Variants in PCDHGA3 observed in about 807,000 individuals in gnomAD.
The protein encoded by PCDHGA3 is protocadherin gamma-A3.
In PCDHGA3, 40 loss-of-function variants were observed where a neutral mutation model predicts 58.5. The ratio of observed to expected loss-of-function variants is 0.68; its 90% CI spans 0.53 to 0.89. PCDHGA3 has a LOEUF of 0.89. Ranked by LOEUF, PCDHGA3 falls within the 40% of genes least tolerant of loss-of-function variation. PCDHGA3 has a pLI of 0.00. For synonymous variants in PCDHGA3, 530 were observed against 525.7 expected, an observed-to-expected ratio of 1.01 and a Z score of -0.11; for missense variants, 1,223 against 1,195.9, an observed-to-expected ratio of 1.02 and a Z score of -0.33.
rs2099706000 is a variant in PCDHGA3 at position 141,490,911 on chromosome 5, G to A, written c.2425-3896G>A. 1 of 1,613,722 alleles carries A rather than the reference G, an allele frequency of 6.2e-7. No individual in the cohort carries two copies. Among genetic ancestry groups the A allele is most frequent in the Non-Finnish European group, 8.5e-7 (1 of 1,179,746 alleles). Reference sequence around the variant, plus strand: ...CTCTGCATGTGTTTGTCCTAGACGAGAATGATAATGCCCCAGCTGTGCTGC... The same window carrying A: ...CTCTGCATGTGTTTGTCCTAGACGAAAATGATAATGCCCCAGCTGTGCTGC... On this transcript the variant is annotated intron_variant, in intron 1 of 3. Coordinates refer to ENST00000253812, the MANE Select transcript of PCDHGA3 (RefSeq NM_018916.4). This position sits in a 1 kb window ranked among gnomAD's most constrained non-coding sequence, Gnocchi z 5.4.
intron 2 of PCDHGA3, among the ~76,000 whole-genome samples, chr5:141,502,845 T>G (rs2099816267): frequency 6.8e-6 from 1 of 147,606 alleles, no homozygotes; most frequent in South Asian, 2.1e-4. Context: ...CTGGCTGAGC[T>G]GCCTAACCCT....
intron 1 of PCDHGA3, chr5:141,372,298 GGGA>G: frequency 6.2e-7 from 1 of 1,613,330 alleles, no homozygotes; most frequent in Non-Finnish European, 8.5e-7. Flanking sequence ...TTGGGCGACA[GGGA>G]GGCCGCCCGC....
At chr5:141,374,150 C>T in intron 1 of PCDHGA3, 1 of 1,611,806 alleles carries the variant, frequency 6.2e-7, no homozygotes, top group Non-Finnish European at 8.5e-7. Context: ...CCTGGGGACG[C>T]TGTGGGGGGC....
chr5:141,477,857 C>T lies in PCDHGA3; in HGVS notation c.2425-16950C>T. ...AGGTGGGAGCTCGGTGGAGATGCTG[C>T]CTCGAGGTACCTCAGCTGGCCACCT... On this transcript the variant is annotated intron_variant, in intron 1 of 3. Transcript: ENST00000253812. The surrounding 1 kb of genome is among the most constrained non-coding windows in gnomAD (Gnocchi z 4.9). The T allele has an allele frequency of 6.2e-7, 1 of 1,613,574 alleles. No individual in the cohort carries two copies. The highest frequency in any genetic ancestry group is 8.5e-7 in the Non-Finnish European group (1 of 1,179,836).
At chr5:141,388,274 G>A (rs1340999969) in intron 1 of PCDHGA3, 1 of 1,590,544 alleles carries the variant, frequency 6.3e-7, no homozygotes, top group African/African-American at 1.5e-5. Context: ...ATGACCACAC[G>A]CCAAAATTCA....
chr5:141,418,045 G>C (rs754041387), intron 1 of PCDHGA3: 2 of 1,614,002 alleles, frequency 1.2e-6, no homozygotes, highest in Admixed American at 1.7e-5. Context: ...TGGATGTGTC[G>C]GCTCGCGAGC....
rs778744503 is a variant in PCDHGA3, at chr5:141,511,152, G to A, written c.2778G>A (p.Ser926=). Residue 926 remains serine (S), a synonymous_variant, in exon 4 of 4, where the codon TCG becomes TCA. Transcript: ENST00000253812. The part of the protein sequence containing the change: ...PAGGNGNKKK[S]GKKEKK ...GTGGCAATGGCAACAAGAAGAAGTCGGGCAAGAAGGAGAAGAAGTAACATG... is the reference window on the plus strand; with the variant it reads ...GTGGCAATGGCAACAAGAAGAAGTCAGGCAAGAAGGAGAAGAAGTAACATG... The A allele has an allele frequency of 2.0e-5, 32 of 1,614,022 alleles. No individual in the cohort carries two copies. Among genetic ancestry groups the A allele is most frequent in the South Asian group, 4.4e-5 (4 of 91,090 alleles).
chr5:141,465,502 G>A (rs948827391), intron 1 of PCDHGA3, among the ~76,000 whole-genome samples: 6 of 152,268 alleles, frequency 3.9e-5, no homozygotes, highest in Admixed American at 2.0e-4. Context: ...GAGCATTGTC[G>A]TGGTCAGGAA....
At chr5:141,462,217 C>T (rs1469685983) in intron 1 of PCDHGA3, among the ~76,000 whole-genome samples, 1 of 152,216 alleles carries the variant, frequency 6.6e-6, no homozygotes, top group South Asian at 2.1e-4. Flanking sequence ...GCCTCGGCCT[C>T]CCAAAGTGCA....
chr5:141,388,356 C>A (rs756910714), intron 1 of PCDHGA3: 2 of 1,613,944 alleles, frequency 1.2e-6, no homozygotes, highest in Non-Finnish European at 1.7e-6. Flanking sequence ...AGGATCTGCC[C>A]ATGATGCGGA....
At chr5:141,382,749 G>T in intron 1 of PCDHGA3, 1 of 612,210 alleles carries the variant, frequency 1.6e-6, no homozygotes, top group Non-Finnish European at 2.8e-6. Context: ...GACAGATTGC[G>T]ATAAGCCCTC....
In PCDHGA3 at chr5:141,485,610, C is replaced by A; in HGVS notation, c.2425-9197C>A. ...CTGGACTTGGAAATTGGGGAGGCAGCTCCTCCAGGACAGCGTTTCCCGTTG... is the reference window on the plus strand; with the variant it reads ...CTGGACTTGGAAATTGGGGAGGCAGATCCTCCAGGACAGCGTTTCCCGTTG... On this transcript the variant is annotated intron_variant, in intron 1 of 3. Coordinates refer to ENST00000253812, the MANE Select transcript of PCDHGA3 (RefSeq NM_018916.4). This position sits in a 1 kb window ranked among gnomAD's most constrained non-coding sequence, Gnocchi z 5.7. The A allele has an allele frequency of 1.2e-6, 2 of 1,612,076 alleles. No individual in the cohort carries two copies. The highest frequency in any genetic ancestry group is 1.7e-6 in the Non-Finnish European group (2 of 1,178,616).
At chr5:141,423,470 A>C (rs904433654) in intron 1 of PCDHGA3, 54 of 1,613,884 alleles carry the variant, frequency 3.3e-5, no homozygotes, top group Non-Finnish European at 4.3e-5. Context: ...GACGGGGTAC[A>C]GGCTTTCCTG....
intron 1 of PCDHGA3, chr5:141,413,935 A>T: frequency 6.2e-7 from 1 of 1,613,372 alleles, no homozygotes; most frequent in Non-Finnish European, 8.5e-7. Flanking sequence ...ATACCGAGTG[A>T]GTGTTCCTGA....
At chr5:141,347,137 C>CTCTCTCTTTCTT (rs375338309) in intron 1 of PCDHGA3, among the ~76,000 whole-genome samples, 10 of 113,744 alleles carry the variant, frequency 8.8e-5, no homozygotes, top group South Asian at 3.1e-4. Flanking sequence ...CTCTGTTTCT[C>CTCTCTCTTTCTT]TCTTTCTTTC....
intron 1 of PCDHGA3, chr5:141,484,875 T>G: frequency 3.2e-6 from 1 of 317,108 alleles, no homozygotes; most frequent in Non-Finnish European, 5.8e-6. Context: ...GCGTGGAGGA[T>G]AGGGTGGGCT....
chr5:141,385,132 G>T (rs763210124), intron 1 of PCDHGA3: 2 of 1,614,094 alleles, frequency 1.2e-6, no homozygotes, highest in African/African-American at 1.3e-5. Flanking sequence ...GGGCATGGAC[G>T]GGGTGCAGGC....
chr5:141,414,348 G>A (rs1390188717), intron 1 of PCDHGA3: 1 of 1,613,818 alleles, frequency 6.2e-7, no homozygotes, highest in South Asian at 1.1e-5. Flanking sequence ...GTTCCATTTT[G>A]GCGTATCTAC....
chr5:141,414,958 G>T, intron 1 of PCDHGA3: 2 of 1,614,024 alleles, frequency 1.2e-6, no homozygotes, highest in East Asian at 2.2e-5. Context: ...GGTGACCAAG[G>T]TGGTGGCGGT....
Sources: gnomAD v4.1 joint callset for allele counts (sites outside exome capture counted in the v4.1 genomes callset) on GRCh38, gnomAD v4.1.1 for gene constraint, Gnocchi (gnomAD v3.1) non-coding constraint, MANE v1.5 for transcripts, NCBI Gene and HGNC (gene_info 2026-07-23, HGNC 2026-07-21) for gene names.